The following INVS variants were observed in gnomAD, a reference collection of about 807,000 sequenced individuals.
INVS encodes the protein inversin.
A neutral mutation model predicts 108.8 loss-of-function variants in INVS; 86 were observed. That is an observed-to-expected ratio of 0.79 (90% CI 0.66 to 0.95). INVS has a LOEUF of 0.95. Among genes scored for constraint, INVS ranks in the 40% least tolerant of loss-of-function variants. The pLI is 0.00. For synonymous variants in INVS, 455 were observed against 473.5 expected, an observed-to-expected ratio of 0.96 and a Z score of 0.51; for missense variants, 1,169 against 1,297.4, an observed-to-expected ratio of 0.90 and a Z score of 1.52.
intron 3 of INVS, among the ~76,000 whole-genome samples, chr9:100,195,496 T>A (rs1314053796): frequency 6.6e-6 from 1 of 151,594 alleles, no homozygotes; most frequent in East Asian, 1.9e-4. Flanking sequence ...TCAATTGATT[T>A]TTTTTTTTGA....
At chr9:100,210,776 T>C (rs1420307283) in intron 3 of INVS, among the ~76,000 whole-genome samples, 1 of 152,140 alleles carries the variant, frequency 6.6e-6, no homozygotes, top group Non-Finnish European at 1.5e-5. Context: ...GAATGTTGAA[T>C]GAATGGTTTA....
intron 3 of INVS, among the ~76,000 whole-genome samples, chr9:100,180,785 C>T (rs150600963): frequency 2.6e-4 from 40 of 152,202 alleles, no homozygotes; most frequent in African/African-American, 9.6e-4. Context: ...TTTATGAGGC[C>T]AGCATCATCC....
chr9:100,225,972 ATAAT>A, intron 3 of INVS, 86 bp from the exon 4 acceptor site: 1 of 865,530 alleles, frequency 1.2e-6, no homozygotes, highest in Non-Finnish European at 1.8e-6. Context: ...CTCTAGGAGA[ATAAT>A]TAACATACTT....
intron 3 of INVS, chr9:100,129,961 G>T: frequency 2.4e-6 from 1 of 408,686 alleles, no homozygotes. Context: ...TTCCTCACAA[G>T]TTTTTAACAG....
rs778036236 is a variant in INVS at position 100,126,442 on chromosome 9, G to A, written c.166G>A (p.Val56Met). ...TGGGAGAACACCACTTATGTATTGC[G>A]TGTTGGCTGACAGATTGGATTGTGC... Reference protein sequence around the residue: ...QFGRTPLMYCVLADRLDCADA... With the variant: ...QFGRTPLMYCMLADRLDCADA... The change falls in exon 3 of 17, where the codon GTG (valine) becomes ATG (methionine). Residue 56 changes from valine (V) to methionine (M), a missense_variant. Val to Met is a conservative substitution (Grantham distance 21, BLOSUM62 1). Around this residue, in one of 3 missense-constraint regions of INVS, gnomAD observed 365 missense variants for 397.5 expected, o/e 0.92. Transcript: ENST00000262457. 30 of 1,614,058 alleles carry A rather than the reference G, an allele frequency of 1.9e-5. No individual in the cohort carries two copies. Among genetic ancestry groups the A allele is most frequent in the East Asian group, 6.7e-5 (3 of 44,870 alleles).
chr9:100,252,794 T>A, intron 9 of INVS, 113 bp from the exon 10 acceptor site: 1 of 779,470 alleles, frequency 1.3e-6, no homozygotes, highest in East Asian at 2.7e-5. Context: ...TTATTGTTTT[T>A]CTTCTATTCA....
chr9:100,254,622 G>A (rs1297681591), intron 10 of INVS, among the ~76,000 whole-genome samples: 1 of 152,138 alleles, frequency 6.6e-6, no homozygotes, highest in African/African-American at 2.4e-5. Context: ...TCCAGTTTCA[G>A]CTTTCTACAT....
chr9:100,232,457 GT>G (rs552546001), intron 5 of INVS, among the ~76,000 whole-genome samples: 15 of 152,104 alleles, frequency 9.9e-5, no homozygotes, highest in Non-Finnish European at 1.8e-4. Flanking sequence ...TATCGCCTAG[GT>G]TTTCTTCTAG....
At chr9:100,161,096 A>G (rs2119010434) in intron 3 of INVS, among the ~76,000 whole-genome samples, 1 of 152,050 alleles carries the variant, frequency 6.6e-6, no homozygotes, top group East Asian at 1.9e-4. Flanking sequence ...TTGGCTGGGC[A>G]TGGTGTAATC....
intron 12 of INVS, among the ~76,000 whole-genome samples, chr9:100,278,094 G>A (rs940057397): frequency 5.3e-5 from 8 of 151,990 alleles, no homozygotes; most frequent in Non-Finnish European, 1.2e-4. Flanking sequence ...AAACTAGCCA[G>A]TGTGTAGTGG....
At chr9:100,273,156 C>A in intron 12 of INVS, 80 bp downstream of exon 12, 2 of 1,037,918 alleles carry the variant, frequency 1.9e-6, no homozygotes, top group Admixed American at 1.7e-5. Context: ...GCTGGGGTGG[C>A]CAGGAGAGGG....
In INVS at chr9:100,284,288, T is replaced by C. The variant is rs775402458; in HGVS notation, c.1785-32T>C. On this transcript the variant is annotated intron_variant, in intron 12 of 16. Coordinates refer to ENST00000262457, the MANE Select transcript of INVS (RefSeq NM_014425.5). The stretch of plus-strand genomic sequence containing the variant: ...CTTGAGGAGGTGATACTCTTTAAAT[T>C]TTTTCATCTTCTTCTTTGGCTTTGC... The C allele has an allele frequency of 3.7e-6, 6 of 1,612,758 alleles. No individual in the cohort carries two copies. The South Asian group carries it at 4.4e-5, about 12-fold the overall frequency.
Position 100,297,942 on chromosome 9 carries a change from C to T in INVS, c.3023C>T (p.Ser1008Phe), listed in dbSNP as rs779024026. The change falls in exon 16 of 17, where the codon TCT (serine) becomes TTT (phenylalanine). Residue 1008 changes from serine to phenylalanine, a missense_variant. Around this residue, in one of 3 missense-constraint regions of INVS, gnomAD observed 533 missense variants for 536.0 expected, o/e 0.99. Transcript: ENST00000262457. Reference protein sequence around the residue: ...HSVLKQIYGCSHEGKIHHPTR... With the variant: ...HSVLKQIYGCFHEGKIHHPTR... Reference sequence around the variant, plus strand: ...AGTTGTTGGTTCATTTCAGGTTGTTCTCACGAAGGGAAAATACATCATCCT... The same window carrying T: ...AGTTGTTGGTTCATTTCAGGTTGTTTTCACGAAGGGAAAATACATCATCCT... The T allele has an allele frequency of 1.2e-6, 2 of 1,614,152 alleles. No individual in the cohort carries two copies. The highest frequency in any genetic ancestry group is 1.1e-5 in the South Asian group (1 of 91,074).
At chr9:100,167,427 A>G (rs879803193) in intron 3 of INVS, among the ~76,000 whole-genome samples, 2 of 151,920 alleles carry the variant, frequency 1.3e-5, no homozygotes, top group Admixed American at 6.6e-5. Flanking sequence ...AGGTTTTTGC[A>G]TTTGTTCTTC....
At chr9:100,158,262 C>T (rs1248348914) in intron 3 of INVS, among the ~76,000 whole-genome samples, 1 of 152,116 alleles carries the variant, frequency 6.6e-6, no homozygotes, top group African/African-American at 2.4e-5. Context: ...ATATTACATT[C>T]CATTCTTAAA....
chr9:100,100,796 A>G (rs577117784), intron 1 of INVS, among the ~76,000 whole-genome samples: 1 of 5,420 alleles, frequency 1.8e-4, no homozygotes, highest in African/African-American at 1.6e-3. Flanking sequence ...TTATATATAT[A>G]ATATATGTAT....
At chr9:100,207,560 T>G (rs1830711354) in intron 3 of INVS, among the ~76,000 whole-genome samples, 1 of 152,164 alleles carries the variant, frequency 6.6e-6, no homozygotes, top group African/African-American at 2.4e-5. Context: ...CCCAAAGTGC[T>G]GGGATTATAG....
chr9:100,283,405 G>C (rs921976067), intron 12 of INVS, among the ~76,000 whole-genome samples: 1 of 152,270 alleles, frequency 6.6e-6, no homozygotes, highest in East Asian at 1.9e-4. Flanking sequence ...CCTCAGGAGA[G>C]GACCTGAAAT....
At chr9:100,187,525 C>CTTTTTT (rs34728274) in intron 3 of INVS, among the ~76,000 whole-genome samples, 2 of 105,564 alleles carry the variant, frequency 1.9e-5, no homozygotes, top group African/African-American at 4.4e-5. Context: ...TCTATGATTT[C>CTTTTTT]TTTTTTTTTT....
Sources: gnomAD v4.1 joint callset for allele counts (sites outside exome capture counted in the v4.1 genomes callset) on GRCh38, gnomAD v4.1.1 for gene constraint, gnomAD v4.1.1 regional missense constraint, MANE v1.5 for transcripts, NCBI Gene and HGNC (gene_info 2026-07-23, HGNC 2026-07-21) for gene names.